PRSS55: variants seen among roughly 807,000 people sequenced by gnomAD.
PRSS55 encodes probable serine protease UNQ9391/PRO34284.
A neutral mutation model predicts 23.6 loss-of-function variants in PRSS55; 41 were observed. The ratio of observed to expected loss-of-function variants is 1.74; its 90% CI spans 1.35 to 2.26. The LOEUF (loss-of-function observed/expected upper bound fraction) is 2.26. Among genes scored for constraint, PRSS55 ranks in the 30% most tolerant of loss-of-function variants. PRSS55 has a pLI of 0.00. For synonymous variants in PRSS55, 262 were observed against 175.5 expected, an observed-to-expected ratio of 1.49 and a Z score of -3.90; for missense variants, 669 against 439.1, an observed-to-expected ratio of 1.52 and a Z score of -4.68.
At chr8:10,536,299 C>G (rs1027998325) in intron 4 of PRSS55, among the ~76,000 whole-genome samples, 4 of 152,120 alleles carry the variant, frequency 2.6e-5, no homozygotes, top group Admixed American at 2.6e-4. Flanking sequence ...AAATGCAAAT[C>G]AAAGCCACAA....
intron 2 of PRSS55, 57 bp from the exon 3 acceptor site, chr8:10,531,238 C>T (rs1812245881): frequency 2.5e-6 from 4 of 1,597,942 alleles, no homozygotes; most frequent in African/African-American, 1.3e-5. Flanking sequence ...CCAATTCTGC[C>T]GCTTTTGAGA....
chr8:10,547,091 C>G (rs55894133), intron 4 of PRSS55, among the ~76,000 whole-genome samples: 2 of 151,654 alleles, frequency 1.3e-5, no homozygotes, highest in African/African-American at 2.4e-5. Flanking sequence ...TCTGGCTTCA[C>G]GGAGCCATGA....
intron 3 of PRSS55, among the ~76,000 whole-genome samples, chr8:10,532,206 G>A (rs893733361): frequency 2.0e-5 from 3 of 152,292 alleles, no homozygotes; most frequent in East Asian, 1.9e-4. Flanking sequence ...GGTGTTTCAG[G>A]AGTTTAGCAA....
Position 10,531,393 on chromosome 8 carries a change from A to G in PRSS55, c.446A>G (p.Lys149Arg), listed in dbSNP as rs372023304. ...AGCATCATTCTTCACAAAGACTTTA[A>G]GAGAGCCAACATGGACAATGACATT... ...VASIILHKDF[K>R]RANMDNDIAL... Residue 149 changes from lysine to arginine, a missense_variant, in exon 3 of 5, where the codon AAG becomes AGG. Lys to Arg is a conservative substitution (Grantham distance 26, BLOSUM62 2). Transcript: ENST00000328655. 23 of 1,614,138 alleles carry G rather than the reference A, an allele frequency of 1.4e-5. No homozygotes were observed. Among genetic ancestry groups the G allele is most frequent in the Non-Finnish European group, 1.9e-5 (22 of 1,180,064 alleles).
chr8:10,542,974 G>A (rs976141906), downstream of PRSS55, among the ~76,000 whole-genome samples: 2 of 151,822 alleles, frequency 1.3e-5, no homozygotes, highest in African/African-American at 2.4e-5. Flanking sequence ...TCTGCACCCA[G>A]TGGCTCCAGT....
At chr8:10,546,728 G>A (rs938549969) in intron 4 of PRSS55, among the ~76,000 whole-genome samples, 1 of 152,106 alleles carries the variant, frequency 6.6e-6, no homozygotes, top group Non-Finnish European at 1.5e-5. Context: ...CTGTTGCTCA[G>A]GCAGAAGTTC....
intron 4 of PRSS55, among the ~76,000 whole-genome samples, chr8:10,537,439 T>A (rs1012505577): frequency 1.3e-5 from 2 of 151,994 alleles, no homozygotes; most frequent in African/African-American, 4.8e-5. Flanking sequence ...AGATAAAGAA[T>A]GATGGTTACC....
rs1812326460 is a variant in PRSS55 at position 10,533,006 on chromosome 8, G to A, written c.699G>A (p.Met233Ile). The A allele has an allele frequency of 2.5e-6, 4 of 1,614,212 alleles. No homozygotes were observed. The highest frequency in any genetic ancestry group is 4.5e-5 in the East Asian group (2 of 44,886). ...SKMFPKLTKNMLCAGYKNESY... is the reference protein window; with the variant it reads ...SKMFPKLTKNILCAGYKNESY... ...TGTTTCCAAAACTTACCAAAAATAT[G>A]CTGTGTGCCGGATACAAGAATGAGA... Residue 233 changes from methionine to isoleucine, a missense_variant, in exon 4 of 5, where the codon ATG becomes ATA. Transcript: ENST00000328655.
In PRSS55 at chr8:10,543,911, T is replaced by A. The variant is rs535602693; in HGVS notation, c.742-10032T>A. ...ATACTTTGTATTATTTCAATCCTTTTAAAAATTTGAGAATTGCTTTATGGC... is the reference window on the plus strand; with the variant it reads ...ATACTTTGTATTATTTCAATCCTTTAAAAAATTTGAGAATTGCTTTATGGC... On this transcript the variant is annotated intron_variant, in intron 4 of 4. Coordinates refer to the PRSS55 transcript ENST00000522210. Among the ~76,000 whole-genome samples the A allele has an allele frequency of 4.6e-5, 7 of 152,374 alleles. No individual in the cohort carries two copies. The East Asian group carries it at 1.3e-3, about 29-fold the overall frequency.
At chr8:10,552,495 G>C (rs141096180) in intron 4 of PRSS55, among the ~76,000 whole-genome samples, 1 of 152,076 alleles carries the variant, frequency 6.6e-6, no homozygotes, top group Non-Finnish European at 1.5e-5. Context: ...ACAACCTTTG[G>C]AATGGGAGAA....
intron 1 of PRSS55, among the ~76,000 whole-genome samples, chr8:10,527,663 C>G (rs984328960): frequency 1.3e-5 from 2 of 152,210 alleles, no homozygotes; most frequent in African/African-American, 2.4e-5. Flanking sequence ...GTGAGAGCAC[C>G]AGCTCTGTTG....
At chr8:10,530,246 G>C (rs1454451950) in intron 2 of PRSS55, among the ~76,000 whole-genome samples, 1 of 152,166 alleles carries the variant, frequency 6.6e-6, no homozygotes, top group Admixed American at 6.5e-5. Context: ...GAGGCAGGTG[G>C]ATCAGGAGTT....
chr8:10,549,716 T>TC (rs1812910238), intron 4 of PRSS55, among the ~76,000 whole-genome samples: 2 of 152,042 alleles, frequency 1.3e-5, no homozygotes, highest in Non-Finnish European at 1.5e-5. Flanking sequence ...GCTGTGTCTC[T>TC]CCCCCTGACT....
At chr8:10,553,394 C>T (rs1812993887) in intron 4 of PRSS55, among the ~76,000 whole-genome samples, 1 of 152,112 alleles carries the variant, frequency 6.6e-6, no homozygotes, top group African/African-American at 2.4e-5. Context: ...TAGAAACAAC[C>T]TATGTGTCCA....
exon 5 of PRSS55, chr8:10,554,087 G>T: frequency 2.6e-6 from 3 of 1,172,828 alleles, no homozygotes; most frequent in Non-Finnish European, 3.6e-6. Flanking sequence ...ACATACCCTT[G>T]GGCATAGCCT....
intron 1 of PRSS55, 92 bp from the exon 2 acceptor site, chr8:10,529,415 G>T: frequency 7.7e-7 from 1 of 1,305,560 alleles, no homozygotes; most frequent in Non-Finnish European, 1.1e-6. Flanking sequence ...TATCCACTTG[G>T]AAGCCTGCTC....
chr8:10,530,344 G>A (rs573968849), intron 2 of PRSS55, among the ~76,000 whole-genome samples: 27 of 152,270 alleles, frequency 1.8e-4, no homozygotes, highest in Admixed American at 3.9e-4. Flanking sequence ...GCGCGGTGGC[G>A]TGCGCCTGTA....
At chr8:10,526,391 G>A (rs1404089058) in intron 1 of PRSS55, among the ~76,000 whole-genome samples, 6 of 152,198 alleles carry the variant, frequency 3.9e-5, no homozygotes, top group Admixed American at 3.3e-4. Flanking sequence ...CTGGGTGACC[G>A]CAGCGCCAGG....
intron 4 of PRSS55, among the ~76,000 whole-genome samples, chr8:10,550,496 G>C (rs1049342612): frequency 3.9e-5 from 6 of 152,168 alleles, no homozygotes; most frequent in African/African-American, 1.4e-4. Flanking sequence ...TGGGACCCTT[G>C]ATGGGACTTC....
Sources: allele counts gnomAD v4.1 joint callset (sites outside exome capture counted in the v4.1 genomes callset), GRCh38; gene constraint gnomAD v4.1.1; transcripts MANE v1.5; gene names NCBI Gene and HGNC (gene_info 2026-07-23, HGNC 2026-07-21).